The following GFRA1 variants were observed in gnomAD, a reference collection of about 807,000 sequenced individuals.
The protein encoded by GFRA1 is GDNF family receptor alpha 1, also known as GDNF family receptor alpha-1.
GFRA1 carries 16 observed loss-of-function variants against 51.6 expected under a neutral mutation model. The ratio of observed to expected loss-of-function variants is 0.31; its 90% CI spans 0.21 to 0.47. The LOEUF (loss-of-function observed/expected upper bound fraction) is 0.47. Among genes scored for constraint, GFRA1 ranks in the 20% least tolerant of loss-of-function variants. The probability of loss-of-function intolerance (pLI) is 1.00; values close to 1 mark genes in which losing one functional copy is unlikely to be tolerated. For synonymous variants in GFRA1, 270 were observed against 241.3 expected, an observed-to-expected ratio of 1.12 and a Z score of -1.10; for missense variants, 530 against 594.3, an observed-to-expected ratio of 0.89 and a Z score of 1.13.
At chr10:116,167,909 G>A (rs1375910553) in intron 5 of GFRA1, among the ~76,000 whole-genome samples, 9 of 152,068 alleles carry the variant, frequency 5.9e-5, no homozygotes, top group Non-Finnish European at 1.3e-4. Context: ...TTCTTAAAAT[G>A]TTAAGAGTCC....
chr10:116,070,595 C>A (rs1955336502), intron 9 of GFRA1, among the ~76,000 whole-genome samples: 1 of 152,154 alleles, frequency 6.6e-6, no homozygotes, highest in South Asian at 2.1e-4. Flanking sequence ...GATAGACTCA[C>A]CTGCTTAAAG....
At chr10:116,188,898 TAA>T (rs779339657) in intron 5 of GFRA1, among the ~76,000 whole-genome samples, 240 of 130,330 alleles carry the variant, frequency 1.8e-3, no homozygotes, top group African/African-American at 5.8e-3. Flanking sequence ...AGACTCTGTT[TAA>T]AAAAAAAAAA....
intron 5 of GFRA1, among the ~76,000 whole-genome samples, chr10:116,202,991 G>C (rs1320704833): frequency 6.6e-6 from 1 of 152,100 alleles, no homozygotes; most frequent in Non-Finnish European, 1.5e-5. Flanking sequence ...GCATTTTGAA[G>C]AACAGGGATC....
At chr10:116,260,591 C>T (rs1969226522) in intron 4 of GFRA1, among the ~76,000 whole-genome samples, 1 of 152,104 alleles carries the variant, frequency 6.6e-6, no homozygotes, top group South Asian at 2.1e-4. Flanking sequence ...AAAATCTCTC[C>T]ATATACCCCA....
chr10:116,193,884 A>C (rs1390180736), intron 5 of GFRA1, among the ~76,000 whole-genome samples: 1 of 151,728 alleles, frequency 6.6e-6, no homozygotes, highest in African/African-American at 2.4e-5. Context: ...AAAATACAAA[A>C]AGAAATTAGC....
At chr10:116,264,196 A>G (rs1969489144) in intron 4 of GFRA1, among the ~76,000 whole-genome samples, 1 of 152,136 alleles carries the variant, frequency 6.6e-6, no homozygotes, top group African/African-American at 2.4e-5. Context: ...TCCAGAGAGT[A>G]TGCAGACAGA....
intron 9 of GFRA1, among the ~76,000 whole-genome samples, chr10:116,087,097 A>C (rs1956132492): frequency 6.6e-6 from 1 of 152,228 alleles, no homozygotes; most frequent in Non-Finnish European, 1.5e-5. Context: ...CACTAACAGG[A>C]AAGGAAAGAC....
intron 9 of GFRA1, among the ~76,000 whole-genome samples, chr10:116,086,660 G>A (rs1956112360): frequency 6.6e-6 from 1 of 152,174 alleles, no homozygotes; most frequent in Non-Finnish European, 1.5e-5. Context: ...GGAGTCAAAT[G>A]CTGTTTAGCT....
intron 6 of GFRA1, among the ~76,000 whole-genome samples, chr10:116,106,689 G>A (rs555827935): frequency 2.0e-5 from 3 of 151,562 alleles, no homozygotes; most frequent in Admixed American, 6.6e-5. Flanking sequence ...GAATACTTTC[G>A]GACTCTCAAA....
chr10:116,128,550 C>T (rs1957968797), intron 5 of GFRA1, among the ~76,000 whole-genome samples: 2 of 151,908 alleles, frequency 1.3e-5, no homozygotes, highest in Admixed American at 1.3e-4. Flanking sequence ...ACAGTGAAAC[C>T]CCGTCTCTAC....
rs1040645952 is a variant in GFRA1 at position 116,171,638 on chromosome 10, C to A, written c.433+39993G>T. On this transcript the variant is annotated intron_variant, in intron 5 of 10. Coordinates refer to ENST00000355422, the MANE Select transcript of GFRA1 (RefSeq NM_005264.8). Reference sequence around the variant, plus strand: ...TAAGTAATTTCGTGTAATTAAATCACCAGATTTATTAGGCTTCCTGAAACA... The same window carrying A: ...TAAGTAATTTCGTGTAATTAAATCAACAGATTTATTAGGCTTCCTGAAACA... Among the ~76,000 whole-genome samples, 5 of 152,278 alleles carry A rather than the reference C, an allele frequency of 3.3e-5. 1 individual carries two copies. In the Middle Eastern group the frequency reaches 0.017, roughly 518 times the overall value.
At chr10:116,081,371 A>T (rs1278585464) in intron 9 of GFRA1, among the ~76,000 whole-genome samples, 1 of 152,232 alleles carries the variant, frequency 6.6e-6, no homozygotes, top group African/African-American at 2.4e-5. Flanking sequence ...TTATGAACCA[A>T]TCTGACACTT....
intron 4 of GFRA1, among the ~76,000 whole-genome samples, chr10:116,213,142 G>C (rs1040655377): frequency 2.6e-5 from 4 of 152,124 alleles, no homozygotes; most frequent in Non-Finnish European, 5.9e-5. Flanking sequence ...GCATTCCTTG[G>C]CCCAACAATA....
intron 5 of GFRA1, among the ~76,000 whole-genome samples, chr10:116,127,020 C>T (rs987327391): frequency 2.0e-5 from 3 of 151,278 alleles, no homozygotes; most frequent in East Asian, 1.9e-4. Context: ...CCTGATTCCA[C>T]GTATAGGAGG....
chr10:116,124,565 A>G (rs1957776585), intron 6 of GFRA1, among the ~76,000 whole-genome samples: 1 of 152,198 alleles, frequency 6.6e-6, no homozygotes, highest in Non-Finnish European at 1.5e-5. Context: ...AAATGTATTC[A>G]TGGACTCCTT....
intron 9 of GFRA1, among the ~76,000 whole-genome samples, chr10:116,073,174 C>G (rs747901133): frequency 6.6e-6 from 1 of 152,168 alleles, no homozygotes; most frequent in Non-Finnish European, 1.5e-5. Flanking sequence ...CTGTCAGTCT[C>G]CAGCACACCA....
chr10:116,074,951 T>C (rs1955552342), intron 9 of GFRA1, among the ~76,000 whole-genome samples: 1 of 152,224 alleles, frequency 6.6e-6, no homozygotes, highest in Admixed American at 6.5e-5. Context: ...AGAGGTATTC[T>C]CACAGGTTAC....
At chr10:116,160,145 G>A (rs1054238157) in intron 5 of GFRA1, among the ~76,000 whole-genome samples, 3 of 152,230 alleles carry the variant, frequency 2.0e-5, no homozygotes, top group Non-Finnish European at 4.4e-5. Flanking sequence ...AAGCCTTTTG[G>A]TTTTTGTCTT....
intron 5 of GFRA1, among the ~76,000 whole-genome samples, chr10:116,202,196 A>G (rs1964389442): frequency 6.6e-6 from 1 of 152,194 alleles, no homozygotes; most frequent in South Asian, 2.1e-4. Context: ...ATGTGTAGAC[A>G]GATCATTCTG....
Sources: gnomAD v4.1 joint callset for allele counts (sites outside exome capture counted in the v4.1 genomes callset) on GRCh38, gnomAD v4.1.1 for gene constraint, MANE v1.5 for transcripts, NCBI Gene and HGNC (gene_info 2026-07-23, HGNC 2026-07-21) for gene names.